Variants in NFU1 observed in about 807,000 individuals in gnomAD.
NFU1 encodes NFU1 iron-sulfur cluster scaffold homolog, mitochondrial.
Under a neutral mutation model 32.2 loss-of-function variants are expected in NFU1, and 30 were observed. That is an observed-to-expected ratio of 0.93 (90% CI 0.70 to 1.26). The LOEUF is 1.26. NFU1 is among the 50% of genes most tolerant of loss of function. The pLI, the probability that NFU1 is intolerant of heterozygous loss-of-function variation, is 0.00. For synonymous variants in NFU1, 112 were observed against 104.6 expected, an observed-to-expected ratio of 1.07 and a Z score of -0.43; for missense variants, 306 against 306.6, an observed-to-expected ratio of 1.00 and a Z score of 0.02.
chr2:69,438,732 T>C (rs1330608440), upstream of NFU1, among the ~76,000 whole-genome samples: 2 of 152,016 alleles, frequency 1.3e-5, no homozygotes, highest in Non-Finnish European at 2.9e-5. Flanking sequence ...CAGACACATC[T>C]AAGAGGGTGG....
At chr2:69,402,547 A>G (rs1672556466) in intron 6 of NFU1, among the ~76,000 whole-genome samples, 1 of 152,076 alleles carries the variant, frequency 6.6e-6, no homozygotes, top group Admixed American at 6.6e-5. Context: ...TCCAATTTAT[A>G]TGTATTTTCC....
At chr2:69,426,859 G>C (rs1673472402) in intron 2 of NFU1, among the ~76,000 whole-genome samples, 1 of 151,080 alleles carries the variant, frequency 6.6e-6, no homozygotes, top group South Asian at 2.1e-4. Context: ...ACGAGGTCAG[G>C]AGTTTGAGAC....
intron 3 of NFU1, among the ~76,000 whole-genome samples, chr2:69,420,368 TCTAA>T (rs775522028): frequency 2.0e-5 from 3 of 152,344 alleles, no homozygotes; most frequent in Non-Finnish European, 4.4e-5. Flanking sequence ...AGAAATAATC[TCTAA>T]CTAATCTATA....
At chr2:69,424,139 T>C in intron 2 of NFU1, among the ~76,000 whole-genome samples, 1 of 110,984 alleles carries the variant, frequency 9.0e-6, no homozygotes, top group Non-Finnish European at 1.7e-5. Context: ...ACCACTGCAC[T>C]CCAGCCTGGT....
chr2:69,429,823 G>A lies in NFU1; in HGVS notation c.166+2079C>T, dbSNP rs1025247337. ...CCAGGCAGGTTACTTGAGCTCTGGA[G>A]TTCAAGACCAGCCTAGGTAATGTAG... is the stretch of plus-strand genomic sequence containing the variant. On this transcript the variant is annotated intron_variant, in intron 2 of 7. Transcript: ENST00000410022. The A allele has an allele frequency of 5.1e-5, 8 of 157,116 alleles. No homozygotes were observed. In the East Asian group the frequency reaches 1.5e-3, roughly 30 times the overall value. The allele number at this position is 157,116 out of a possible 1,614,324, so 9.7% of individuals were successfully genotyped here. A position where few individuals can be genotyped will look rare whatever the true frequency, so the allele number is the denominator to read the frequency against.
intron 3 of NFU1, among the ~76,000 whole-genome samples, chr2:69,422,847 CT>C (rs1260339020): frequency 6.6e-6 from 1 of 152,004 alleles, no homozygotes; most frequent in Non-Finnish European, 1.5e-5. Context: ...TCCCTAGTAG[CT>C]GGGAATACAG....
chr2:69,423,946 G>A (rs1390951123), intron 2 of NFU1, among the ~76,000 whole-genome samples: 1 of 151,640 alleles, frequency 6.6e-6, no homozygotes, highest in Non-Finnish European at 1.5e-5. Context: ...AGGCCGAGGC[G>A]GGTGGATTAC....
rs766454379 is a variant in NFU1, at chr2:69,415,174, C to A, written c.484+11G>T. The A allele has an allele frequency of 2.7e-6, 4 of 1,466,356 alleles. No individual in the cohort carries two copies. The East Asian group carries it at 6.8e-5, about 25-fold the overall frequency. The allele number at this position is 1,466,356 out of a possible 1,614,324, so 90.8% of individuals were successfully genotyped here. On this transcript the variant is annotated intron_variant, in intron 5 of 7. Transcript: ENST00000410022. Reference sequence around the variant, plus strand: ...AAGGACAAATTTTAATTACTCAATACAACATGTTACCTGCTTCTCCTGAAG... The same window carrying A: ...AAGGACAAATTTTAATTACTCAATAAAACATGTTACCTGCTTCTCCTGAAG...
intron 5 of NFU1, among the ~76,000 whole-genome samples, chr2:69,411,848 C>T (rs1181045307): frequency 6.6e-6 from 1 of 152,152 alleles, no homozygotes; most frequent in African/African-American, 2.4e-5. Context: ...CTGCCTTCAC[C>T]TCCCCAAGTG....
chr2:69,423,236 C>CTGTGTGAG (rs1366262446), intron 3 of NFU1, among the ~76,000 whole-genome samples: 1 of 82,808 alleles, frequency 1.2e-5, no homozygotes, highest in African/African-American at 5.4e-5. Flanking sequence ...GATGGGCTCT[C>CTGTGTGAG]TGTGTGAGTG....
chr2:69,426,258 C>T (rs1038665074), intron 2 of NFU1, among the ~76,000 whole-genome samples: 1 of 152,144 alleles, frequency 6.6e-6, no homozygotes, highest in Non-Finnish European at 1.5e-5. Flanking sequence ...AGGCGTGAGC[C>T]ACTGTGCCTA....
upstream of NFU1, chr2:69,437,666 G>C: frequency 3.3e-6 from 2 of 606,910 alleles, no homozygotes; most frequent in Non-Finnish European, 5.9e-6. Flanking sequence ...GCAGCACTGT[G>C]AACGCATGCG....
chr2:69,408,792 A>G (rs1672786959), intron 5 of NFU1, among the ~76,000 whole-genome samples: 1 of 145,888 alleles, frequency 6.9e-6, no homozygotes, highest in South Asian at 2.2e-4. Flanking sequence ...ACATACATCA[A>G]TGTACTATTG....
At chr2:69,426,393 C>G (rs749047673) in intron 2 of NFU1, among the ~76,000 whole-genome samples, 3 of 152,166 alleles carry the variant, frequency 2.0e-5, no homozygotes, top group Non-Finnish European at 4.4e-5. Flanking sequence ...TCAAGCAATT[C>G]TCCTGCCTCA....
chr2:69,434,171 G>A (rs1290885543), intron 1 of NFU1, among the ~76,000 whole-genome samples: 1 of 148,542 alleles, frequency 6.7e-6, no homozygotes, highest in Non-Finnish European at 1.5e-5. Context: ...GTGAGACGGA[G>A]TCTTGCTCTG....
intron 1 of NFU1, 158 bp downstream of exon 1, chr2:69,437,203 G>A: frequency 7.0e-7 from 1 of 1,432,082 alleles, no homozygotes; most frequent in Non-Finnish European, 9.2e-7. Context: ...CGCACAGACA[G>A]CCTCAGGGCT....
At chr2:69,433,182 C>G (rs1029649961) in intron 1 of NFU1, among the ~76,000 whole-genome samples, 2 of 149,026 alleles carry the variant, frequency 1.3e-5, no homozygotes, top group African/African-American at 4.9e-5. Context: ...ATACGACTGT[C>G]CTTTTTGTTT....
At chr2:69,428,548 A>G (rs2104806981) in intron 2 of NFU1, among the ~76,000 whole-genome samples, 1 of 152,288 alleles carries the variant, frequency 6.6e-6, no homozygotes, top group South Asian at 2.1e-4. Flanking sequence ...TACTATTTTT[A>G]TCTTATTTTA....
intron 4 of NFU1, among the ~76,000 whole-genome samples, chr2:69,419,144 T>A (rs1159572181): frequency 6.6e-6 from 1 of 151,048 alleles, no homozygotes; most frequent in African/African-American, 2.4e-5. Flanking sequence ...CGAAACCCTG[T>A]CTCTACTAAA....
Sources: allele counts gnomAD v4.1 joint callset (sites outside exome capture counted in the v4.1 genomes callset), GRCh38; gene constraint gnomAD v4.1.1; transcripts MANE v1.5; gene names NCBI Gene and HGNC (gene_info 2026-07-23, HGNC 2026-07-21).